Variants in DSCAML1 observed in about 807,000 individuals in gnomAD.
DSCAML1 encodes cell adhesion molecule DSCAML1.
DSCAML1 carries 38 observed loss-of-function variants against 200.5 expected under a neutral mutation model. The observed-to-expected ratio is 0.19, with a 90% CI of 0.15 to 0.25. The LOEUF (loss-of-function observed/expected upper bound fraction) is 0.25, where lower values mean the gene tolerates loss of function less well. DSCAML1 is among the 10% of genes least tolerant of loss of function. The probability of loss-of-function intolerance (pLI) is 1.00; values close to 1 mark genes in which losing one functional copy is unlikely to be tolerated. For synonymous variants in DSCAML1, 1,215 were observed against 1,165.0 expected (o/e 1.04, Z -0.87); for missense variants, 2,223 against 2,858.8 (o/e 0.78, Z 5.07).
At chr11:117,454,454 A>C (rs891651443) in intron 19 of DSCAML1, among the ~76,000 whole-genome samples, 1 of 152,214 alleles carries the variant, frequency 6.6e-6, no homozygotes, top group African/African-American at 2.4e-5. Flanking sequence ...CCATCAACTG[A>C]GTTCTTAATT....
intron 3 of DSCAML1, among the ~76,000 whole-genome samples, chr11:117,718,700 A>G (rs982432221): frequency 1.7e-4 from 20 of 118,738 alleles, no homozygotes; most frequent in Middle Eastern, 5.1e-3. Context: ...TGAGACCTTT[A>G]AAAAATCCTC....
intron 3 of DSCAML1, among the ~76,000 whole-genome samples, chr11:117,618,171 T>C (rs756506520): frequency 3.9e-5 from 6 of 152,244 alleles, no homozygotes; most frequent in African/African-American, 1.2e-4. Context: ...CATAAAGTTA[T>C]AGACATGCAG....
At position 117,469,874 on chromosome 11, in the gene DSCAML1, C is replaced by G; in HGVS notation, c.3024+36G>C. The G allele has an allele frequency of 6.4e-7, 1 of 1,555,884 alleles. No homozygotes were observed. ...CTGGATTGAGGAGAGAGGAGGCAAG[C>G]AGACATTCCAGGGGAGATGCCTTAG... is the stretch of plus-strand genomic sequence containing the variant. On this transcript the variant is annotated intron_variant, in intron 16 of 32. Transcript: ENST00000651296. The surrounding 1 kb of genome is among the most constrained non-coding windows in gnomAD (Gnocchi z 4.1).
chr11:117,493,200 G>A (rs1047441718), intron 11 of DSCAML1, among the ~76,000 whole-genome samples: 2 of 152,212 alleles, frequency 1.3e-5, no homozygotes, highest in African/African-American at 4.8e-5. Flanking sequence ...ACTTTGTCCA[G>A]CTTTAAAATG....
At position 117,642,117 on chromosome 11, in the gene DSCAML1, G is replaced by A. The variant is rs1295952481; in HGVS notation, c.512-109595C>T. Among the ~76,000 whole-genome samples the A allele has an allele frequency of 2.0e-5, 3 of 152,114 alleles. No individual in the cohort carries two copies. Among genetic ancestry groups the A allele is most frequent in the Non-Finnish European group, 4.4e-5 (3 of 68,024 alleles). On this transcript the variant is annotated intron_variant, in intron 3 of 32. Coordinates refer to ENST00000651296, the MANE Select transcript of DSCAML1 (RefSeq NM_020693.4). This position sits in a 1 kb window ranked among gnomAD's most constrained non-coding sequence, Gnocchi z 4.1. ...CTCACCTGCCCTTACCATTGCCCTC[G>A]AATTATTTCTGGTTTGTAATCCCCA...
At chr11:117,446,440 T>C (rs1468581296) in intron 20 of DSCAML1, among the ~76,000 whole-genome samples, 1 of 152,050 alleles carries the variant, frequency 6.6e-6, no homozygotes, top group Non-Finnish European at 1.5e-5. Context: ...TTGCAACTTA[T>C]ATGACAGAAA....
intron 16 of DSCAML1, among the ~76,000 whole-genome samples, chr11:117,466,784 T>C (rs2048588633): frequency 6.6e-6 from 1 of 152,218 alleles, no homozygotes; most frequent in Non-Finnish European, 1.5e-5. Flanking sequence ...TGGTGATGGT[T>C]GTACAACATT....
intron 3 of DSCAML1, among the ~76,000 whole-genome samples, chr11:117,715,671 G>A (rs940605635): frequency 2.0e-5 from 3 of 152,292 alleles, no homozygotes; most frequent in East Asian, 1.9e-4. Context: ...TACGGGACTG[G>A]GATGCCTGGA....
Position 117,480,344 on chromosome 11 carries a change from C to A in DSCAML1, c.2785+99G>T. 4.6e-6 allele frequency: 7 copies of A among 1,537,224 alleles called. No individual in the cohort carries two copies. The South Asian group carries it at 8.7e-5, about 19-fold the overall frequency. On this transcript the variant is annotated intron_variant, in intron 14 of 32. Coordinates refer to ENST00000651296, the MANE Select transcript of DSCAML1 (RefSeq NM_020693.4). The surrounding 1 kb of genome is among the most constrained non-coding windows in gnomAD (Gnocchi z 4.1). ...GTGTGTCTAGCTTGGATGGGCAGCC[C>A]TAAGGCTCAGGGGCTCTCCTCCCAG...
At chr11:117,488,558 A>ACAC (rs2049124969) in intron 11 of DSCAML1, among the ~76,000 whole-genome samples, 1 of 148,442 alleles carries the variant, frequency 6.7e-6, no homozygotes, top group African/African-American at 2.5e-5. Flanking sequence ...CACACACACC[A>ACAC]CACACAGAGG....
chr11:117,785,835 G>A (rs7940537), intron 1 of DSCAML1, among the ~76,000 whole-genome samples: 8,661 of 152,174 alleles, frequency 0.057, 284 homozygotes, highest in Non-Finnish European at 0.078. Context: ...GAGGTGGAGG[G>A]CCCATTAGTC....
Position 117,780,760 on chromosome 11 carries a change from G to T in DSCAML1, c.97C>A (p.Gln33Lys). ...TSLYFVNDSL[Q>K]QVTFSSSVGV... The stretch of plus-strand genomic sequence containing the variant: ...ACGGAGCTGGAAAAGGTCACCTGCT[G>T]CAAGGAGTCATTTACAAAGTAGAGG... The change falls in exon 2 of 33, where the codon CAG becomes AAG. Residue 33 changes from glutamine to lysine, a missense_variant. Gln to Lys is a moderately conservative substitution (Grantham distance 53). Around this residue, in one of 7 missense-constraint regions of DSCAML1, gnomAD observed 579 missense variants for 721.5 expected, o/e 0.80. Coordinates refer to ENST00000651296, the MANE Select transcript of DSCAML1 (RefSeq NM_020693.4). The surrounding 1 kb of genome is among the most constrained non-coding windows in gnomAD (Gnocchi z 4.8). 2 of 1,527,058 alleles carry T rather than the reference G, an allele frequency of 1.3e-6. No individual in the cohort carries two copies. Among genetic ancestry groups the T allele is most frequent in the Non-Finnish European group, 1.8e-6 (2 of 1,139,712 alleles). The allele number at this position is 1,527,058 out of a possible 1,614,324, so 94.6% of individuals were successfully genotyped here.
At position 117,635,372 on chromosome 11, in the gene DSCAML1, G is replaced by A. The variant is rs181288937; in HGVS notation, c.512-102850C>T. Reference sequence around the variant, plus strand: ...TGGGTTGTCTTTTCACAGCGCCAGAGTCCCGGATATCCAAGGGATGTGGTG... The same window carrying A: ...TGGGTTGTCTTTTCACAGCGCCAGAATCCCGGATATCCAAGGGATGTGGTG... On this transcript the variant is annotated intron_variant, in intron 3 of 32. Coordinates refer to ENST00000651296, the MANE Select transcript of DSCAML1 (RefSeq NM_020693.4). 1.4e-4 allele frequency among the ~76,000 whole-genome samples: 21 copies of A among 152,188 alleles called. No homozygotes were observed. The East Asian group carries it at 4.1e-3, about 29-fold the overall frequency.
intron 20 of DSCAML1, among the ~76,000 whole-genome samples, chr11:117,449,944 G>GGCTAGCCCCTTGCCC (rs1483084134): frequency 6.6e-6 from 1 of 152,202 alleles, no homozygotes; most frequent in African/African-American, 2.4e-5. Flanking sequence ...GTGGAAGGGC[G>GGCTAGCCCCTTGCCC]GCTAGCCCCT....
intron 3 of DSCAML1, among the ~76,000 whole-genome samples, chr11:117,753,571 C>A (rs116336825): frequency 0.011 from 1,716 of 152,318 alleles, 40 homozygotes; most frequent in African/African-American, 0.038. Flanking sequence ...GGTAATAATA[C>A]CTCTGTGGCC....
At chr11:117,741,790 T>C (rs1034433084) in intron 3 of DSCAML1, among the ~76,000 whole-genome samples, 1 of 152,156 alleles carries the variant, frequency 6.6e-6, no homozygotes, top group African/African-American at 2.4e-5. Context: ...TCCCTCAGCA[T>C]CACTAGGAGG....
chr11:117,514,572 C>CTTTTTTTTTTTTTT (rs532136039), intron 8 of DSCAML1, among the ~76,000 whole-genome samples: 3 of 98,262 alleles, frequency 3.1e-5, no homozygotes, highest in Non-Finnish European at 5.7e-5. Flanking sequence ...TTTTCTTTTT[C>CTTTTTTTTTTTTTT]TTTTTTTTTT....
At chr11:117,744,357 C>T (rs960804511) in intron 3 of DSCAML1, among the ~76,000 whole-genome samples, 1 of 152,262 alleles carries the variant, frequency 6.6e-6, no homozygotes, top group African/African-American at 2.4e-5. Flanking sequence ...CTCCACGACA[C>T]TTGTTAAATG....
chr11:117,629,720 G>T (rs1467219296), intron 3 of DSCAML1, among the ~76,000 whole-genome samples: 1 of 152,174 alleles, frequency 6.6e-6, no homozygotes, highest in African/African-American at 2.4e-5. Flanking sequence ...GCAGGGAGAA[G>T]CCATGGTGGC....
Sources: gnomAD v4.1 joint callset for allele counts (sites outside exome capture counted in the v4.1 genomes callset) on GRCh38, gnomAD v4.1.1 for gene constraint, gnomAD v4.1.1 regional missense constraint, Gnocchi (gnomAD v3.1) non-coding constraint, MANE v1.5 for transcripts, NCBI Gene and HGNC (gene_info 2026-07-23, HGNC 2026-07-21) for gene names.